ADGRA2: variants seen among roughly 807,000 people sequenced by gnomAD.
ADGRA2 encodes adhesion G protein-coupled receptor A2.
A neutral mutation model predicts 98.7 loss-of-function variants in ADGRA2; 61 were observed. The ratio of observed to expected loss-of-function variants is 0.62; its 90% CI spans 0.50 to 0.76. The LOEUF (loss-of-function observed/expected upper bound fraction) is 0.76, where lower values mean the gene tolerates loss of function less well. Ranked by LOEUF, ADGRA2 falls within the 30% of genes least tolerant of loss-of-function variation. The probability of loss-of-function intolerance (pLI) is 0.00; values close to 1 mark genes in which losing one functional copy is unlikely to be tolerated. For missense variants in ADGRA2, 1,712 were observed against 1,860.0 expected (o/e 0.92, Z 1.46); for synonymous variants, 858 against 831.5 (o/e 1.03, Z -0.55).
chr8:37,821,918 G>A (rs1044816326), intron 2 of ADGRA2, among the ~76,000 whole-genome samples: 4 of 152,130 alleles, frequency 2.6e-5, no homozygotes, highest in South Asian at 2.1e-4. Flanking sequence ...GGGTGGGGCC[G>A]AGGGTGAGGC....
At position 37,844,628 on chromosome 8, in the gene ADGRA2, A is replaced by G. The variant is rs1805915721; in HGVS notation, c.*2273A>G. ...TCTCATCTCCAGTGACAGTGGAGAC[A>G]GGGGGTACAGGGCAGATCCGCTTCG... On this transcript the variant is annotated 3_prime_UTR_variant, in exon 19 of 19. Coordinates refer to ENST00000412232, the MANE Select transcript of ADGRA2 (RefSeq NM_032777.10). 4.3e-6 allele frequency: 7 copies of G among 1,613,942 alleles called. No homozygotes were observed. The highest frequency in any genetic ancestry group is 1.1e-5 in the South Asian group (1 of 91,044).
chr8:37,798,879 G>A (rs531406756), intron 1 of ADGRA2, among the ~76,000 whole-genome samples: 18 of 152,304 alleles, frequency 1.2e-4, no homozygotes, highest in African/African-American at 4.3e-4. Context: ...GTGTCTGCTC[G>A]CTGCCGCCTC....
In ADGRA2 at chr8:37,809,048, C is replaced by T. The variant is rs561373668; in HGVS notation, c.267-5848C>T. On this transcript the variant is annotated intron_variant, in intron 1 of 18. Coordinates refer to ENST00000412232, the MANE Select transcript of ADGRA2 (RefSeq NM_032777.10). Reference sequence around the variant, plus strand: ...ATGTTGGCTAGGCTGGTCTTGAACTCCTGGCCTCAAGTGATCCACCCACCT... The same window carrying T: ...ATGTTGGCTAGGCTGGTCTTGAACTTCTGGCCTCAAGTGATCCACCCACCT... 5.3e-5 allele frequency among the ~76,000 whole-genome samples: 8 copies of T among 152,236 alleles called. No individual in the cohort carries two copies. In the South Asian group the frequency reaches 1.7e-3, roughly 32 times the overall value.
chr8:37,844,697 C>T lies in ADGRA2; in HGVS notation c.*2342C>T, dbSNP rs372826156. ...GTGGCAAGAGAAGGGCAGGACTGGC[C>T]GGCCGCTTCCCCTGGGGTAAACCTA... On this transcript the variant is annotated 3_prime_UTR_variant, in exon 19 of 19. Transcript: ENST00000412232. 1.5e-5 allele frequency: 25 copies of T among 1,613,946 alleles called. No homozygotes were observed. The highest frequency in any genetic ancestry group is 1.2e-4 in the Admixed American group (7 of 59,996).
At position 37,844,228 on chromosome 8, in the gene ADGRA2, A is replaced by G; in HGVS notation, c.*1873A>G. The stretch of plus-strand genomic sequence containing the variant: ...GAGCCTGACATTTTCCCATCCATCT[A>G]TGAGGAAAGCCATCTCACAGAACAT... On this transcript the variant is annotated 3_prime_UTR_variant, in exon 19 of 19. Transcript: ENST00000412232. 2.1e-6 allele frequency: 1 copy of G among 484,594 alleles called. No homozygotes were observed. Among genetic ancestry groups the G allele is most frequent in the Non-Finnish European group, 3.7e-6 (1 of 269,094 alleles). The allele number at this position is 484,594 out of a possible 1,614,324, so 30.0% of individuals were successfully genotyped here.
At position 37,802,691 on chromosome 8, in the gene ADGRA2, G is replaced by C. The variant is rs1276016748; in HGVS notation, c.266+5157G>C. 1.3e-5 allele frequency among the ~76,000 whole-genome samples: 2 copies of C among 152,142 alleles called. No individual in the cohort carries two copies. The highest frequency in any genetic ancestry group is 2.9e-5 in the Non-Finnish European group (2 of 68,022). ...GAGAAGCTGGAGGTCGCTAGCTCAG[G>C]ATACAGGAATTCCACCCATCCATCC... On this transcript the variant is annotated intron_variant, in intron 1 of 18. Transcript: ENST00000412232. This position sits in a 1 kb window ranked among gnomAD's most constrained non-coding sequence, Gnocchi z 4.7.
intron 15 of ADGRA2, 92 bp downstream of exon 15, chr8:37,839,175 T>C (rs1805715451): frequency 6.6e-7 from 1 of 1,518,258 alleles, no homozygotes; most frequent in African/African-American, 1.4e-5. Context: ...CGGTACATAC[T>C]TTCAATTCCA....
In ADGRA2 at chr8:37,827,866, G is replaced by A. The variant is rs369546603; in HGVS notation, c.339-1022G>A. 2.6e-5 allele frequency among the ~76,000 whole-genome samples: 4 copies of A among 152,308 alleles called. No individual in the cohort carries two copies. In the East Asian group the frequency reaches 7.7e-4, roughly 29 times the overall value. ...ATACCCTCCTTGGCCAAGCGCGGTG[G>A]CTCACACCTGTAACCCCAGCACTTT... On this transcript the variant is annotated intron_variant, in intron 2 of 18. Coordinates refer to ENST00000412232, the MANE Select transcript of ADGRA2 (RefSeq NM_032777.10).
rs373708632 is a variant in ADGRA2 at position 37,842,712 on chromosome 8, C to G, written c.*357C>G. On this transcript the variant is annotated 3_prime_UTR_variant, in exon 19 of 19. Transcript: ENST00000412232. ...TCCATGCGGCCTCACTGGGGGCCAT[C>G]AGCCTCACCAGCAAAGCAGAGATGA... 6 of 217,842 alleles carry G rather than the reference C, an allele frequency of 2.8e-5. No homozygotes were observed. Among genetic ancestry groups the G allele is most frequent in the African/African-American group, 1.4e-4 (6 of 43,932 alleles). The allele number at this position is 217,842 out of a possible 1,614,324, so 13.5% of individuals were successfully genotyped here. A position where few individuals can be genotyped will look rare whatever the true frequency, so the allele number is the denominator to read the frequency against.
chr8:37,831,331 C>CG (rs1805445438), intron 7 of ADGRA2, 92 bp from the exon 8 acceptor site: 2 of 1,181,898 alleles, frequency 1.7e-6, no homozygotes, highest in Non-Finnish European at 2.4e-6. Flanking sequence ...GAAAAAAGGA[C>CG]CTGCAGCTAG....
At position 37,833,030 on chromosome 8, in the gene ADGRA2, G is replaced by A. The variant is rs751960039; in HGVS notation, c.1118G>A (p.Gly373Asp). The A allele has an allele frequency of 2.5e-6, 4 of 1,612,856 alleles. No homozygotes were observed. In the South Asian group the frequency reaches 3.3e-5, roughly 13 times the overall value. Residue 373 changes from glycine to aspartate, a missense_variant, in exon 9 of 19, where the codon GGC (glycine) becomes GAC (aspartate). Gly to Asp is a moderately conservative substitution (Grantham distance 94). Coordinates refer to ENST00000412232, the MANE Select transcript of ADGRA2 (RefSeq NM_032777.10). ...CCCAGGTGGCCCCGAACTCTGGCTG[G>A]CATCACAGCCTACCAGTCCTGCCTG... ...GDFRWPRTLA[G>D]ITAYQSCLQY...
intron 1 of ADGRA2, among the ~76,000 whole-genome samples, chr8:37,798,006 G>T (rs1483594895): frequency 6.6e-6 from 1 of 152,228 alleles, no homozygotes; most frequent in Non-Finnish European, 1.5e-5. Context: ...GGCTGGCCTT[G>T]TCCCTTCAAT....
intron 1 of ADGRA2, among the ~76,000 whole-genome samples, chr8:37,799,373 T>TAA (rs745339505): frequency 4.0e-5 from 5 of 124,262 alleles, no homozygotes; most frequent in South Asian, 2.5e-4. Flanking sequence ...AGACTCCGTA[T>TAA]AAAAAAAAAA....
In ADGRA2 at chr8:37,842,229, C is replaced by T; in HGVS notation, c.3891C>T (p.Leu1297=). The T allele has an allele frequency of 6.5e-7, 1 of 1,549,330 alleles. No homozygotes were observed. Among genetic ancestry groups the T allele is most frequent in the Non-Finnish European group, 8.7e-7 (1 of 1,147,284 alleles). ...EKESHRRSYP[L]NAASLNGAPK... is the part of the protein sequence containing the mutation. The stretch of plus-strand genomic sequence containing the variant: ...AGAGCCATCGCCGCTCGTACCCGCT[C>T]AACGCCGCCAGCCTAAACGGCGCCC... Residue 1297 remains leucine (L), a synonymous_variant, in exon 19 of 19, where the codon CTC becomes CTT. Transcript: ENST00000412232.
intron 2 of ADGRA2, among the ~76,000 whole-genome samples, chr8:37,818,149 C>T (rs17433803): frequency 6.6e-6 from 1 of 152,096 alleles, no homozygotes; most frequent in East Asian, 1.9e-4. Context: ...GTCTTGGAGT[C>T]GCAGGAAACC....
Position 37,831,556 on chromosome 8 carries a change from G to C in ADGRA2, c.1066G>C (p.Glu356Gln). ...LETSASYCPA[E>Q]RVANNRGDFR... Reference sequence around the variant, plus strand: ...GACCTCTGCCTCCTACTGCCCCGCCGAGCGTGTTGCCAACAACCGCGGGGA... The same window carrying C: ...GACCTCTGCCTCCTACTGCCCCGCCCAGCGTGTTGCCAACAACCGCGGGGA... Residue 356 changes from glutamate (E) to glutamine (Q), a missense_variant, in exon 8 of 19, where the codon GAG (glutamate) becomes CAG (glutamine). Coordinates refer to ENST00000412232, the MANE Select transcript of ADGRA2 (RefSeq NM_032777.10). 3 of 1,613,832 alleles carry C rather than the reference G, an allele frequency of 1.9e-6. No individual in the cohort carries two copies. The highest frequency in any genetic ancestry group is 1.3e-5 in the African/African-American group (1 of 75,054).
intron 1 of ADGRA2, among the ~76,000 whole-genome samples, chr8:37,806,718 C>CG (rs1399789731): frequency 1.3e-5 from 2 of 151,660 alleles, no homozygotes; most frequent in African/African-American, 4.8e-5. Flanking sequence ...TTAATAGAGA[C>CG]GGGGTTTCAC....
In ADGRA2 at chr8:37,840,037, T is replaced by A. The variant is rs911240128; in HGVS notation, c.2512-84T>A. Reference sequence around the variant, plus strand: ...AGCTGGGGGCCGGAGGCTGGAAGCCTGGGAGGACACCAGCAGGACTGAAGC... The same window carrying A: ...AGCTGGGGGCCGGAGGCTGGAAGCCAGGGAGGACACCAGCAGGACTGAAGC... On this transcript the variant is annotated intron_variant, in intron 16 of 18. Coordinates refer to ENST00000412232, the MANE Select transcript of ADGRA2 (RefSeq NM_032777.10). 5.3e-6 allele frequency: 7 copies of A among 1,310,650 alleles called. No individual in the cohort carries two copies. The Admixed American group carries it at 6.9e-5, about 13-fold the overall frequency. The allele number at this position is 1,310,650 out of a possible 1,614,324, so 81.2% of individuals were successfully genotyped here.
chr8:37,820,102 C>A (rs2129968343), intron 2 of ADGRA2, among the ~76,000 whole-genome samples: 1 of 152,314 alleles, frequency 6.6e-6, no homozygotes, highest in South Asian at 2.1e-4. Context: ...AATTTCTTCT[C>A]TAGGAAGCCT....
Sources: gnomAD v4.1 joint callset for allele counts (sites outside exome capture counted in the v4.1 genomes callset) on GRCh38, gnomAD v4.1.1 for gene constraint, Gnocchi (gnomAD v3.1) non-coding constraint, MANE v1.5 for transcripts, NCBI Gene and HGNC (gene_info 2026-07-23, HGNC 2026-07-21) for gene names.